ABCC4: variants seen among roughly 807,000 people sequenced by gnomAD.
The protein encoded by ABCC4 is ATP binding cassette subfamily C member 4 (PEL blood group).
ABCC4 carries 102 observed loss-of-function variants against 168.5 expected under a neutral mutation model. The ratio of observed to expected loss-of-function variants is 0.61; its 90% confidence interval spans 0.52 to 0.71. The LOEUF is 0.71. Ranked by LOEUF, ABCC4 falls within the 30% of genes least tolerant of loss-of-function variation. The pLI is 0.00. For synonymous variants in ABCC4, 617 were observed against 590.7 expected, an observed-to-expected ratio of 1.04 and a Z score of -0.65; for missense variants, 1,402 against 1,605.8, an observed-to-expected ratio of 0.87 and a Z score of 2.17.
chr13:95,032,273 C>A (rs905262593), intron 30 of ABCC4, among the ~76,000 whole-genome samples: 2 of 152,218 alleles, frequency 1.3e-5, no homozygotes, highest in African/African-American at 4.8e-5. Flanking sequence ...ATTTCCTTCC[C>A]TCTCTATGCC....
chr13:95,147,320 T>C (rs2036532206), intron 19 of ABCC4, among the ~76,000 whole-genome samples: 1 of 152,236 alleles, frequency 6.6e-6, no homozygotes. Context: ...TATCTATGTT[T>C]GGCTTATAAT....
rs756372983 is a variant in ABCC4, at chr13:95,021,657, T to C, written c.3896A>G (p.His1299Arg). 33 of 1,610,556 alleles carry C rather than the reference T, an allele frequency of 2.0e-5. No homozygotes were observed. The highest frequency in any genetic ancestry group is 7.7e-5 in the South Asian group (7 of 90,608). Residue 1299 changes from histidine (H) to arginine (R), a missense_variant, in exon 31 of 31, where the codon CAT becomes CGT. This residue lies in a region of ABCC4 where 1,007 missense variants were observed against 1,127.3 expected (regional missense o/e 0.89). Transcript: ENST00000645237. ...AACCATGTGGTCAGTGTGACCAATATGTGGATAATTTCTTTTGAAGTATAC... is the reference window on the plus strand; with the variant it reads ...AACCATGTGGTCAGTGTGACCAATACGTGGATAATTTCTTTTGAAGTATAC... ...KQVYFKRNYPHIGHTDHMVTN... is the reference protein window; with the variant it reads ...KQVYFKRNYPRIGHTDHMVTN...
chr13:95,214,780 G>A (rs1038982022), intron 4 of ABCC4, among the ~76,000 whole-genome samples: 8 of 151,770 alleles, frequency 5.3e-5, no homozygotes, highest in Admixed American at 2.6e-4. Context: ...CAGCCACTCC[G>A]GAGGCTCAGG....
chr13:95,262,255 C>T (rs1032570115), intron 1 of ABCC4, among the ~76,000 whole-genome samples: 3 of 152,116 alleles, frequency 2.0e-5, no homozygotes, highest in Admixed American at 6.5e-5. Flanking sequence ...AAGAAGTCAA[C>T]GTGTTGAGGA....
chr13:95,164,612 A>T, intron 15 of ABCC4, 94 bp from the exon 16 acceptor site: 1 of 1,382,730 alleles, frequency 7.2e-7, no homozygotes, highest in Non-Finnish European at 1.0e-6. Context: ...GTGGGGAAAC[A>T]GGCAGAAGTC....
chr13:95,280,469 CCAAG>C (rs139812501), intron 1 of ABCC4, among the ~76,000 whole-genome samples: 3,373 of 150,154 alleles, frequency 0.022, 135 homozygotes, highest in African/African-American at 0.079. Flanking sequence ...CTATGGTTTG[CCAAG>C]CAGAGTTCAA....
Position 95,096,316 on chromosome 13 carries a change from A to G in ABCC4, c.2536-13026T>C, listed in dbSNP as rs182825464. ...AAATAAAAAAGACTGAAAGACTGGA[A>G]TGCAACACCCTAGATCTTGGAGCTA... On this transcript the variant is annotated intron_variant, in intron 20 of 30. Transcript: ENST00000645237. 317 of 428,320 alleles carry G rather than the reference A, an allele frequency of 7.4e-4. 2 individuals are homozygous for G. The highest frequency in any genetic ancestry group is 5.7e-3 in the African/African-American group (280 of 49,042). The allele number at this position is 428,320 out of a possible 1,614,324, so 26.5% of individuals were successfully genotyped here. A position where few individuals can be genotyped will look rare whatever the true frequency, so the allele number is the denominator to read the frequency against.
chr13:95,115,916 C>CGTTA lies in ABCC4; in HGVS notation c.2535+2_2535+5dup, dbSNP rs1236302005. On this transcript the variant is annotated splice_donor_region_variant and intron_variant, in intron 20 of 30. Coordinates refer to ENST00000645237, the MANE Select transcript of ABCC4 (RefSeq NM_005845.5). ...TTTGAGATCCTGACATTACTCTCAA[C>CGTTA]GTTACCTGGATGAAATCTAAAAACG... is the stretch of plus-strand genomic sequence containing the variant. The CGTTA allele has an allele frequency of 3.1e-6, 5 of 1,605,738 alleles. No individual in the cohort carries two copies. Among genetic ancestry groups the CGTTA allele is most frequent in the East Asian group, 4.5e-5 (2 of 44,448 alleles).
chr13:95,104,122 TTTG>T (rs144020577), intron 20 of ABCC4, among the ~76,000 whole-genome samples: 2,097 of 152,254 alleles, frequency 0.014, 55 homozygotes, highest in African/African-American at 0.048. Context: ...TTTGGGTTTT[TTTG>T]TTGTTGTTGT....
rs143855238 is a variant in ABCC4, at chr13:95,030,001, A to G, written c.3870+4604T>C. 2.3e-3 allele frequency among the ~76,000 whole-genome samples: 347 copies of G among 151,074 alleles called. 2 individuals are homozygous for G. The highest frequency in any genetic ancestry group is 6.0e-3 in the African/African-American group (244 of 40,908). On this transcript the variant is annotated intron_variant, in intron 30 of 30. Transcript: ENST00000645237. ...TTCTTGTCTATCTATCCATCCATCC[A>G]TCCATCCATCCATCCATCCATCCAT... is the stretch of plus-strand genomic sequence containing the variant.
chr13:95,101,149 A>G (rs889760785), intron 20 of ABCC4, among the ~76,000 whole-genome samples: 2 of 151,784 alleles, frequency 1.3e-5, no homozygotes, highest in Non-Finnish European at 2.9e-5. Flanking sequence ...GACTGAGGAC[A>G]CCTCCTTCAC....
intron 4 of ABCC4, among the ~76,000 whole-genome samples, chr13:95,226,462 T>A (rs1051536011): frequency 6.6e-6 from 1 of 152,096 alleles, no homozygotes; most frequent in South Asian, 2.1e-4. Context: ...GATTCACACA[T>A]AAATGGCCAT....
intron 19 of ABCC4, among the ~76,000 whole-genome samples, chr13:95,156,652 A>C (rs1038798284): frequency 6.6e-5 from 10 of 152,194 alleles, no homozygotes; most frequent in Admixed American, 6.5e-4. Flanking sequence ...CTCAGGTCAT[A>C]ATCAAAATAT....
intron 26 of ABCC4, among the ~76,000 whole-genome samples, chr13:95,061,796 C>T (rs1247405415): frequency 6.6e-6 from 1 of 152,026 alleles, no homozygotes; most frequent in Non-Finnish European, 1.5e-5. Flanking sequence ...AGCCATGAGG[C>T]CCCACAGCTG....
chr13:95,151,507 A>G (rs2036675453), intron 19 of ABCC4, among the ~76,000 whole-genome samples: 1 of 151,162 alleles, frequency 6.6e-6, no homozygotes, highest in East Asian at 1.9e-4. Flanking sequence ...AAGAAGAACA[A>G]AGAGGAAAGA....
chr13:95,044,429 T>C lies in ABCC4; in HGVS notation c.3466A>G (p.Lys1156Glu). ...LWNALQEVQL[K>E]ETIEDLPGKM... ...CCAGGAAGATCTTCAATGGTTTCTT[T>C]AAGTTGTACCTGTAGATGTACAAAG... The change falls in exon 28 of 31, where the codon AAA (lysine) becomes GAA (glutamate). Residue 1156 changes from lysine to glutamate, a missense_variant. Transcript: ENST00000645237. 6.2e-7 allele frequency: 1 copy of C among 1,611,016 alleles called. No homozygotes were observed. Among genetic ancestry groups the C allele is most frequent in the Non-Finnish European group, 8.5e-7 (1 of 1,178,776 alleles).
At chr13:95,265,573 A>T (rs1312944620) in intron 1 of ABCC4, among the ~76,000 whole-genome samples, 1 of 152,180 alleles carries the variant, frequency 6.6e-6, no homozygotes, top group East Asian at 1.9e-4. Context: ...GAATTTGGGC[A>T]AGTAGGAAAT....
chr13:95,074,364 A>G lies in ABCC4; in HGVS notation c.2807-40T>C, dbSNP rs1442249775. The G allele has an allele frequency of 2.7e-6, 4 of 1,503,762 alleles. No individual in the cohort carries two copies. In the African/African-American group the frequency reaches 5.5e-5, roughly 21 times the overall value. 93.2% of individuals were successfully genotyped at this position (1,503,762 alleles called of 1,614,324 possible). On this transcript the variant is annotated intron_variant, in intron 22 of 30. Transcript: ENST00000645237. Reference sequence around the variant, plus strand: ...GGTAATAAGCATGATGAATAAGTAGATGAATGTGCGAGTGTGTTTTGCTCA... The same window carrying G: ...GGTAATAAGCATGATGAATAAGTAGGTGAATGTGCGAGTGTGTTTTGCTCA...
chr13:95,076,513 T>G (rs1320541422), intron 21 of ABCC4, among the ~76,000 whole-genome samples: 2 of 151,438 alleles, frequency 1.3e-5, no homozygotes, highest in African/African-American at 2.4e-5. Context: ...GTAGGTTTTT[T>G]TTTTTTTTTT....
Sources: allele counts gnomAD v4.1 joint callset (sites outside exome capture counted in the v4.1 genomes callset), GRCh38; gene constraint gnomAD v4.1.1; regional missense constraint gnomAD v4.1.1; transcripts MANE v1.5; gene names NCBI Gene and HGNC (gene_info 2026-07-23, HGNC 2026-07-21).